The following KIAA1217 variants were observed in gnomAD, a reference collection of about 807,000 sequenced individuals.
The protein encoded by KIAA1217 is KIAA1217, also known as sickle tail protein homolog.
In KIAA1217, 88 loss-of-function variants were observed where a neutral mutation model predicts 163.9. That is an observed-to-expected ratio of 0.54 (90% CI 0.45 to 0.64). The LOEUF is 0.64. Ranked by LOEUF, KIAA1217 falls within the 30% of genes least tolerant of loss-of-function variation. The pLI, the probability that KIAA1217 is intolerant of heterozygous loss-of-function variation, is 0.00. For missense variants in KIAA1217, 2,372 were observed against 2,475.0 expected, an observed-to-expected ratio of 0.96 and a Z score of 0.88; for synonymous variants, 903 against 923.1, an observed-to-expected ratio of 0.98 and a Z score of 0.39.
chr10:23,808,691 A>G (rs1370852480), intron 1 of KIAA1217, among the ~76,000 whole-genome samples: 1 of 152,122 alleles, frequency 6.6e-6, no homozygotes, highest in Non-Finnish European at 1.5e-5. Context: ...AGGCTACATT[A>G]AAAACACCTC....
intron 4 of KIAA1217, among the ~76,000 whole-genome samples, chr10:24,434,026 T>TCTCTCTC: frequency 4.9e-5 from 1 of 20,544 alleles, no homozygotes; most frequent in African/African-American, 5.5e-4. Context: ...TCTCTCTCTC[T>TCTCTCTC]TTTTTTTTTT....
At chr10:24,292,804 G>A (rs542081558) in intron 2 of KIAA1217, among the ~76,000 whole-genome samples, 17 of 152,214 alleles carry the variant, frequency 1.1e-4, no homozygotes, top group Admixed American at 9.8e-4. Flanking sequence ...GCACTGCAAA[G>A]TGTGGCCGCT....
At chr10:24,330,803 TG>T (rs1382897895) in intron 2 of KIAA1217, among the ~76,000 whole-genome samples, 3 of 151,676 alleles carry the variant, frequency 2.0e-5, no homozygotes, top group African/African-American at 4.8e-5. Context: ...TTTGTAGAGA[TG>T]GGTTTTTCCA....
chr10:24,501,883 G>A (rs565391379), intron 9 of KIAA1217, among the ~76,000 whole-genome samples: 1 of 151,590 alleles, frequency 6.6e-6, no homozygotes, highest in South Asian at 2.1e-4. Flanking sequence ...CGAGTAGCTG[G>A]AACTACAGGC....
intron 17 of KIAA1217, among the ~76,000 whole-genome samples, chr10:24,539,885 C>A (rs777088916): frequency 2.0e-5 from 3 of 152,170 alleles, no homozygotes; most frequent in African/African-American, 7.2e-5. Flanking sequence ...TTTCTTGTAA[C>A]CCTGTCTCTC....
chr10:24,520,274 G>T (rs376307775), intron 11 of KIAA1217, 21 bp downstream of exon 11: 2 of 1,613,544 alleles, frequency 1.2e-6, no homozygotes, highest in Non-Finnish European at 1.7e-6. Context: ...TGCTGGGTCG[G>T]GGGAGGAGTC....
intron 2 of KIAA1217, among the ~76,000 whole-genome samples, chr10:24,095,575 C>T (rs2062125047): frequency 6.6e-6 from 1 of 152,148 alleles, no homozygotes; most frequent in Non-Finnish European, 1.5e-5. Context: ...TTCTTCTCTA[C>T]TCAACCTTTC....
At chr10:24,074,938 A>G (rs11013879) in intron 2 of KIAA1217, among the ~76,000 whole-genome samples, 52,240 of 151,856 alleles carry the variant, frequency 0.34, 11,664 homozygotes, top group Non-Finnish European at 0.49. Context: ...AGCTCAGGCA[A>G]TCCGCCTGCC....
intron 1 of KIAA1217, among the ~76,000 whole-genome samples, chr10:23,824,648 AAATAAAAAAAAT>A (rs1467475054): frequency 1.7e-4 from 14 of 84,412 alleles, no homozygotes; most frequent in African/African-American, 7.5e-4. Context: ...AAAAAAAAAA[AAATAAAAAAAAT>A]ATATATATAT....
rs144664035 is a variant in KIAA1217, at chr10:23,745,006, A to G, written c.-321+49772A>G. On this transcript the variant is annotated intron_variant, in intron 1 of 18. Transcript: ENST00000376462. ...TGATTTAAATATTAGGATCACCCAAAAAAAATCCTTCACAGAAACTTCCAG... is the reference window on the plus strand; with the variant it reads ...TGATTTAAATATTAGGATCACCCAAGAAAAATCCTTCACAGAAACTTCCAG... Among the ~76,000 whole-genome samples, 26 of 152,302 alleles carry G rather than the reference A, an allele frequency of 1.7e-4. No individual in the cohort carries two copies. In the East Asian group the frequency reaches 5.0e-3, roughly 29 times the overall value.
At chr10:23,897,797 G>T (rs968689505) in intron 1 of KIAA1217, among the ~76,000 whole-genome samples, 4 of 151,530 alleles carry the variant, frequency 2.6e-5, no homozygotes, top group Non-Finnish European at 5.9e-5. Context: ...ATATAAAAAA[G>T]GTTTTATATA....
At chr10:24,313,526 G>A (rs943864683) in intron 2 of KIAA1217, among the ~76,000 whole-genome samples, 19 of 152,274 alleles carry the variant, frequency 1.2e-4, no homozygotes, top group African/African-American at 4.6e-4. Flanking sequence ...AAAGCTGCCC[G>A]GGGTTAGCGC....
intron 1 of KIAA1217, among the ~76,000 whole-genome samples, chr10:23,892,304 T>A (rs1374628974): frequency 6.6e-6 from 1 of 152,020 alleles, no homozygotes; most frequent in Non-Finnish European, 1.5e-5. Context: ...TATGAGAATA[T>A]AGGTAACATT....
intron 1 of KIAA1217, among the ~76,000 whole-genome samples, chr10:23,968,639 C>T (rs1845173162): frequency 6.6e-6 from 1 of 152,178 alleles, no homozygotes; most frequent in Admixed American, 6.5e-5. Flanking sequence ...TACCACCCAA[C>T]CCCTGGCCCT....
intron 2 of KIAA1217, among the ~76,000 whole-genome samples, chr10:24,023,879 G>A (rs1194777372): frequency 6.6e-6 from 1 of 151,514 alleles, no homozygotes; most frequent in Non-Finnish European, 1.5e-5. Flanking sequence ...CATTCCATGC[G>A]ATCCTATTTA....
At chr10:24,117,297 A>G (rs1347678938) in intron 2 of KIAA1217, among the ~76,000 whole-genome samples, 1 of 152,148 alleles carries the variant, frequency 6.6e-6, no homozygotes, top group Non-Finnish European at 1.5e-5. Flanking sequence ...TTGGCCTCCC[A>G]AAGTGCTGGG....
At chr10:23,912,377 C>T (rs374314365) in intron 1 of KIAA1217, among the ~76,000 whole-genome samples, 2 of 146,402 alleles carry the variant, frequency 1.4e-5, no homozygotes, top group African/African-American at 5.3e-5. Flanking sequence ...GTTATACGTG[C>T]ATGTTTGTTA....
chr10:23,824,865 G>A (rs1190930809), intron 1 of KIAA1217, among the ~76,000 whole-genome samples: 1 of 151,496 alleles, frequency 6.6e-6, no homozygotes, highest in East Asian at 1.9e-4. Flanking sequence ...AATTATCCTG[G>A]CATATTTACT....
intron 1 of KIAA1217, among the ~76,000 whole-genome samples, chr10:23,715,413 T>C (rs1434998097): frequency 6.6e-6 from 1 of 152,188 alleles, no homozygotes; most frequent in Non-Finnish European, 1.5e-5. Context: ...TTATGCGTAT[T>C]AGATCATAAA....
Sources: allele counts gnomAD v4.1 joint callset (sites outside exome capture counted in the v4.1 genomes callset), GRCh38; gene constraint gnomAD v4.1.1; transcripts MANE v1.5; gene names NCBI Gene and HGNC (gene_info 2026-07-23, HGNC 2026-07-21).